The following EPB41L3 variants were observed in gnomAD, a reference collection of about 807,000 sequenced individuals.
The protein encoded by EPB41L3 is erythrocyte membrane protein band 4.1 like 3.
A neutral mutation model predicts 127.1 loss-of-function variants in EPB41L3; 57 were observed. The ratio of observed to expected loss-of-function variants is 0.45; its 90% confidence interval spans 0.36 to 0.56. The LOEUF (loss-of-function observed/expected upper bound fraction) is 0.56. Among genes scored for constraint, EPB41L3 ranks in the 20% least tolerant of loss-of-function variants. EPB41L3 has a pLI of 0.00. For synonymous variants in EPB41L3, 572 were observed against 549.5 expected, an observed-to-expected ratio of 1.04 and a Z score of -0.57; for missense variants, 1,273 against 1,372.2, an observed-to-expected ratio of 0.93 and a Z score of 1.14.
At chr18:5,462,365 A>G (rs1388415208) in intron 3 of EPB41L3, among the ~76,000 whole-genome samples, 1 of 152,210 alleles carries the variant, frequency 6.6e-6, no homozygotes, top group Admixed American at 6.5e-5. Flanking sequence ...AAGAAGGCAC[A>G]AGAATCAATC....
At chr18:5,565,682 T>C (rs1447533349) in intron 3 of EPB41L3, among the ~76,000 whole-genome samples, 21 of 137,954 alleles carry the variant, frequency 1.5e-4, no homozygotes, top group Admixed American at 2.4e-4. Flanking sequence ...TGTGTTCTCA[T>C]TGTTCAATTC....
upstream of EPB41L3, chr18:5,630,269 C>CA (rs375754426): frequency 8.5e-5 from 39 of 458,350 alleles, no homozygotes; most frequent in Non-Finnish European, 1.6e-4. Flanking sequence ...GCTTTCTCCC[C>CA]CATCGACCTC....
rs181285511 is a variant in EPB41L3 at position 5,622,328 on chromosome 18, T to C, written c.-468+6594A>G. Among the ~76,000 whole-genome samples, 29 of 152,360 alleles carry C rather than the reference T, an allele frequency of 1.9e-4. No individual in the cohort carries two copies. The East Asian group carries it at 5.2e-3, about 27-fold the overall frequency. ...TACGCTAGCCATTTTCTAAATATTA[T>C]TTCTTGTTCTTACAACCACTCTGCT... is the stretch of plus-strand genomic sequence containing the variant. On this transcript the variant is annotated intron_variant, in intron 1 of 21. Coordinates refer to the EPB41L3 transcript ENST00000545076.
chr18:5,499,624 G>A (rs958080471), intron 1 of EPB41L3, among the ~76,000 whole-genome samples: 6 of 151,736 alleles, frequency 4.0e-5, no homozygotes, highest in African/African-American at 7.3e-5. Context: ...AAAATTAGCC[G>A]GGCGTGGTGG....
chr18:5,434,215 C>A, intron 6 of EPB41L3, 94 bp from the exon 7 acceptor site: 2 of 904,340 alleles, frequency 2.2e-6, no homozygotes, highest in East Asian at 2.6e-5. Flanking sequence ...ATAATTTCTC[C>A]CTGTAGAACA....
At position 5,543,751 on chromosome 18, in the gene EPB41L3, C is replaced by T. The variant is rs1377348328; in HGVS notation, c.-12+162G>A. Among the ~76,000 whole-genome samples, 1 of 148,888 alleles carries T rather than the reference C, an allele frequency of 6.7e-6. No homozygotes were observed. Among genetic ancestry groups the T allele is most frequent in the Non-Finnish European group, 1.5e-5 (1 of 67,022 alleles). On this transcript the variant is annotated intron_variant, in intron 1 of 22. Transcript: ENST00000341928. This position sits in a 1 kb window ranked among gnomAD's most constrained non-coding sequence, Gnocchi z 5.2. ...GGAGGGCGGTTGGGGACCCCGGCCG[C>T]GCCGGGCGCGGGGCTCGGGATTCGG...
intron 1 of EPB41L3, among the ~76,000 whole-genome samples, chr18:5,494,193 C>T (rs1363378801): frequency 6.6e-6 from 1 of 152,114 alleles, no homozygotes; most frequent in Admixed American, 6.5e-5. Flanking sequence ...GCACCACCCC[C>T]TGCCTGCTGC....
chr18:5,536,574 G>C (rs2093579213), intron 1 of EPB41L3, among the ~76,000 whole-genome samples: 2 of 151,610 alleles, frequency 1.3e-5, no homozygotes, highest in South Asian at 4.2e-4. Context: ...GGCCAAGGCG[G>C]GCAGATCATT....
intron 13 of EPB41L3, among the ~76,000 whole-genome samples, chr18:5,412,518 G>A (rs551587211): frequency 5.9e-5 from 9 of 152,088 alleles, no homozygotes; most frequent in Admixed American, 2.6e-4. Context: ...AAGCCACCGC[G>A]CGCCCAGCTC....
rs372185496 is a variant in EPB41L3 at position 5,397,140 on chromosome 18, G to T, written c.2759C>A (p.Ala920Asp). 271 of 1,614,048 alleles carry T rather than the reference G, an allele frequency of 1.7e-4. No homozygotes were observed. The highest frequency in any genetic ancestry group is 2.2e-4 in the Non-Finnish European group (262 of 1,180,022). The stretch of plus-strand genomic sequence containing the variant: ...CTCTTGTCGCTCACGGGAAGCAGCG[G>T]CTGTCTCTTCCTGTTCCAGGACAGC... ...AKAVLEQEET[A>D]AASRERQEEQ... The change falls in exon 18 of 23, where the codon GCC (alanine) becomes GAC (aspartate). Residue 920 changes from alanine (A) to aspartate (D), a missense_variant. Physicochemically the swap from Ala to Asp is moderately radical, Grantham distance 126. Around this residue, in one of 3 missense-constraint regions of EPB41L3, gnomAD observed 765 missense variants for 782.9 expected, o/e 0.98. Coordinates refer to ENST00000341928, the MANE Select transcript of EPB41L3 (RefSeq NM_012307.5). The surrounding 1 kb of genome is among the most constrained non-coding windows in gnomAD (Gnocchi z 4.1).
At chr18:5,416,498 T>A (rs2076845491) in intron 12 of EPB41L3, 120 bp from the exon 13 acceptor site, 1 of 1,036,890 alleles carries the variant, frequency 9.6e-7, no homozygotes, top group Admixed American at 2.9e-5. Context: ...AAAACAAAAA[T>A]TTTAGCACTA....
rs140720829 is a variant in EPB41L3, at chr18:5,532,222, C to T, written c.-12+11691G>A. On this transcript the variant is annotated intron_variant, in intron 1 of 22. Transcript: ENST00000341928. ...GCCAAGTCTCTGGGCTCTGATTATG[C>T]TCAGTGTTCACTGGTATTTGAAATC... Among the ~76,000 whole-genome samples, 592 of 152,310 alleles carry T rather than the reference C, an allele frequency of 3.9e-3. 3 individuals are homozygous for T. Among genetic ancestry groups the T allele is most frequent in the African/African-American group, 0.014 (568 of 41,564 alleles).
intron 6 of EPB41L3, 59 bp from the exon 7 acceptor site, chr18:5,434,180 G>A: frequency 6.9e-7 from 1 of 1,442,890 alleles, no homozygotes; most frequent in Non-Finnish European, 9.7e-7. Context: ...GGAAAAGGAG[G>A]TCGCTTGGTA....
intron 16 of EPB41L3, chr18:5,399,530 T>C: frequency 2.5e-6 from 1 of 397,174 alleles, no homozygotes; most frequent in East Asian, 3.6e-5. Context: ...CTAATAATTA[T>C]GGCTGCAATC....
At chr18:5,549,881 C>T (rs544701337) in intron 3 of EPB41L3, among the ~76,000 whole-genome samples, 135 of 151,820 alleles carry the variant, frequency 8.9e-4, no homozygotes, top group African/African-American at 3.1e-3. Context: ...CAGACATATA[C>T]GAGAGCTGAA....
At chr18:5,488,438 T>C (rs922635683) in intron 2 of EPB41L3, among the ~76,000 whole-genome samples, 7 of 151,830 alleles carry the variant, frequency 4.6e-5, no homozygotes, top group Non-Finnish European at 1.0e-4. Flanking sequence ...AGGGGAGGGA[T>C]AGCATTAGGA....
chr18:5,424,377 C>A lies in EPB41L3; in HGVS notation c.1066-18G>T. ...TGTTCAAACTAAATAAAAAAAAATACATTGAAGAGTAAAGTTTAAAATTAT... is the reference window on the plus strand; with the variant it reads ...TGTTCAAACTAAATAAAAAAAAATAAATTGAAGAGTAAAGTTTAAAATTAT... On this transcript the variant is annotated intron_variant, in intron 9 of 22. Transcript: ENST00000341928. The A allele has an allele frequency of 6.5e-7, 1 of 1,547,802 alleles. No homozygotes were observed. Among genetic ancestry groups the A allele is most frequent in the Non-Finnish European group, 8.8e-7 (1 of 1,140,592 alleles).
intron 3 of EPB41L3, among the ~76,000 whole-genome samples, chr18:5,447,547 C>A (rs925572347): frequency 1.4e-5 from 2 of 143,502 alleles, no homozygotes; most frequent in Non-Finnish European, 3.0e-5. Context: ...AAACAAAAAC[C>A]AAAACAAATG....
intron 1 of EPB41L3, among the ~76,000 whole-genome samples, chr18:5,507,270 A>G (rs2092270394): frequency 6.6e-6 from 1 of 152,172 alleles, no homozygotes; most frequent in Admixed American, 6.5e-5. Flanking sequence ...TCGATATTTA[A>G]AACACGGATG....
Sources: gnomAD v4.1 joint callset for allele counts (sites outside exome capture counted in the v4.1 genomes callset) on GRCh38, gnomAD v4.1.1 for gene constraint, gnomAD v4.1.1 regional missense constraint, Gnocchi (gnomAD v3.1) non-coding constraint, MANE v1.5 for transcripts, NCBI Gene and HGNC (gene_info 2026-07-23, HGNC 2026-07-21) for gene names.